FLRT2: variants seen among roughly 807,000 people sequenced by gnomAD.
FLRT2 encodes fibronectin leucine rich transmembrane protein 2, also known as leucine-rich repeat transmembrane protein FLRT2.
Under a neutral mutation model 40.0 loss-of-function variants are expected in FLRT2, and 15 were observed. The observed-to-expected ratio is 0.38, with a 90% CI of 0.25 to 0.58. The LOEUF is 0.58. Ranked by LOEUF, FLRT2 falls within the 20% of genes least tolerant of loss-of-function variation. The pLI, the probability that FLRT2 is intolerant of heterozygous loss-of-function variation, is 0.71. For missense variants in FLRT2, 726 were observed against 840.0 expected (o/e 0.86, Z 1.68); for synonymous variants, 380 against 336.8 (o/e 1.13, Z -1.41).
chr14:85,626,928 C>T lies in FLRT2; in HGVS notation c.*3431C>T. The stretch of plus-strand genomic sequence containing the variant: ...AGTCATTTCACACAAATCAGAACTT[C>T]CTTCCCCACCAGGGAGGACAACATC... On this transcript the variant is annotated 3_prime_UTR_variant, in exon 2 of 2. Coordinates refer to ENST00000330753, the MANE Select transcript of FLRT2 (RefSeq NM_013231.6). The T allele has an allele frequency of 6.0e-6, 1 of 167,202 alleles. No homozygotes were observed. The allele number at this position is 167,202 out of a possible 1,614,324, so 10.4% of individuals were successfully genotyped here. A position where few individuals can be genotyped will look rare whatever the true frequency, so the allele number is the denominator to read the frequency against.
intron 1 of FLRT2, among the ~76,000 whole-genome samples, chr14:85,596,582 A>G (rs968732341): frequency 2.6e-5 from 4 of 152,228 alleles, no homozygotes; most frequent in African/African-American, 9.6e-5. Flanking sequence ...CCAATGTACA[A>G]ATAGATAAAA....
intron 1 of FLRT2, among the ~76,000 whole-genome samples, chr14:85,563,464 A>G (rs915837052): frequency 3.3e-5 from 5 of 152,218 alleles, no homozygotes; most frequent in African/African-American, 4.8e-5. Flanking sequence ...CACAGAAAGC[A>G]TGGCTGGGGA....
At position 85,622,587 on chromosome 14, in the gene FLRT2, T is replaced by G. The variant is rs1378368084; in HGVS notation, c.1073T>G (p.Leu358Trp). Residue 358 changes from leucine (L) to tryptophan (W), a missense_variant, in exon 2 of 2, where the codon TTG becomes TGG. Leu to Trp is a moderately conservative substitution (Grantham distance 61, BLOSUM62 -2). This residue lies in a region of FLRT2 where 611 missense variants were observed against 690.0 expected (regional missense o/e 0.89). Transcript: ENST00000330753. ...MAVRELNMNL[L>W]SCPTTTPGLP... ...GTCAGGGAATTAAATATGAATCTTTTGTCCTGTCCCACCACGACCCCCGGC... is the reference window on the plus strand; with the variant it reads ...GTCAGGGAATTAAATATGAATCTTTGGTCCTGTCCCACCACGACCCCCGGC... 1 of 1,613,628 alleles carries G rather than the reference T, an allele frequency of 6.2e-7. No individual in the cohort carries two copies. Among genetic ancestry groups the G allele is most frequent in the South Asian group, 1.1e-5 (1 of 91,050 alleles).
chr14:85,607,767 G>A lies in FLRT2; in HGVS notation c.-376-13372G>A, dbSNP rs1419452804. Among the ~76,000 whole-genome samples, 3 of 152,274 alleles carry A rather than the reference G, an allele frequency of 2.0e-5. No individual in the cohort carries two copies. In the East Asian group the frequency reaches 5.8e-4, roughly 29 times the overall value. On this transcript the variant is annotated intron_variant, in intron 1 of 1. Transcript: ENST00000330753. ...TTATGCATTTTATGTGCTTTCTACTGTATTAAGAAATCAAGCGTCTCTGTA... is the reference window on the plus strand; with the variant it reads ...TTATGCATTTTATGTGCTTTCTACTATATTAAGAAATCAAGCGTCTCTGTA...
At chr14:85,546,539 G>A (rs1160463918) in intron 1 of FLRT2, among the ~76,000 whole-genome samples, 1 of 152,208 alleles carries the variant, frequency 6.6e-6, no homozygotes, top group Non-Finnish European at 1.5e-5. Context: ...AGCACCAGCA[G>A]CATTTGGCTT....
At chr14:85,575,332 C>T (rs12882305) in intron 1 of FLRT2, among the ~76,000 whole-genome samples, 43,773 of 151,352 alleles carry the variant, frequency 0.29, 6,914 homozygotes, top group Middle Eastern at 0.4. Flanking sequence ...TTAGTTCTTA[C>T]AACATTTTTT....
chr14:85,599,575 G>A (rs1175956724), intron 1 of FLRT2, among the ~76,000 whole-genome samples: 1 of 152,136 alleles, frequency 6.6e-6, no homozygotes, highest in East Asian at 1.9e-4. Context: ...ACATTGGATT[G>A]AAGAAAGAAG....
At chr14:85,594,779 G>T (rs1016950962) in intron 1 of FLRT2, among the ~76,000 whole-genome samples, 1 of 152,056 alleles carries the variant, frequency 6.6e-6, no homozygotes, top group African/African-American at 2.4e-5. Context: ...CTGCACAGTT[G>T]AAAAATCTGC....
chr14:85,564,518 G>T (rs527772003), intron 1 of FLRT2, among the ~76,000 whole-genome samples: 3 of 152,270 alleles, frequency 2.0e-5, no homozygotes, highest in African/African-American at 7.2e-5. Context: ...AACCAAGATT[G>T]TTCCAAATGT....
At chr14:85,610,245 A>T (rs1595082765) in intron 1 of FLRT2, among the ~76,000 whole-genome samples, 4 of 151,848 alleles carry the variant, frequency 2.6e-5, no homozygotes, top group Admixed American at 2.0e-4. Flanking sequence ...AAGTGTGGGG[A>T]TGTTCGCGAG....
chr14:85,576,503 T>C (rs1368428995), intron 1 of FLRT2, among the ~76,000 whole-genome samples: 4 of 152,202 alleles, frequency 2.6e-5, no homozygotes, highest in African/African-American at 9.7e-5. Context: ...GCTTTACATG[T>C]TATTAAAAGC....
Position 85,621,930 on chromosome 14 carries a change from A to T in FLRT2, c.416A>T (p.His139Leu). 1 of 1,601,022 alleles carries T rather than the reference A, an allele frequency of 6.2e-7. No individual in the cohort carries two copies. The highest frequency in any genetic ancestry group is 1.7e-5 in the Admixed American group (1 of 59,238). The change falls in exon 2 of 2, where the codon CAC (histidine) becomes CTC (leucine). Residue 139 changes from histidine (H) to leucine (L), a missense_variant. Around this residue, in one of 3 missense-constraint regions of FLRT2, gnomAD observed 611 missense variants for 690.0 expected, o/e 0.89. Transcript: ENST00000330753. ...LAQLLKLEELHLDDNSISTVG... is the reference protein window; with the variant it reads ...LAQLLKLEELLLDDNSISTVG... The stretch of plus-strand genomic sequence containing the variant: ...CAGCTCTTGAAGCTTGAAGAGCTGC[A>T]CCTGGATGACAACTCCATATCCACA...
chr14:85,612,131 G>A (rs1892913478), intron 1 of FLRT2, among the ~76,000 whole-genome samples: 1 of 104,020 alleles, frequency 9.6e-6, no homozygotes, highest in Admixed American at 1.2e-4. Context: ...ATTATTGGTG[G>A]GAACTCTTTA....
intron 1 of FLRT2, among the ~76,000 whole-genome samples, chr14:85,576,038 C>G (rs1443875188): frequency 6.6e-6 from 1 of 152,126 alleles, no homozygotes. Context: ...ATTGCACTAA[C>G]TCGTTAAGAG....
chr14:85,575,071 G>A (rs565410543), intron 1 of FLRT2, among the ~76,000 whole-genome samples: 10 of 152,296 alleles, frequency 6.6e-5, no homozygotes, highest in Admixed American at 2.0e-4. Flanking sequence ...AAGGCCTGTG[G>A]CCATTCGAAA....
chr14:85,612,116 A>T (rs1250434976), intron 1 of FLRT2, among the ~76,000 whole-genome samples: 2 of 141,022 alleles, frequency 1.4e-5, no homozygotes, highest in African/African-American at 5.3e-5. Context: ...TGAGTTTTTA[A>T]AATTATTATT....
At chr14:85,591,513 A>G (rs991680425) in intron 1 of FLRT2, among the ~76,000 whole-genome samples, 3 of 152,240 alleles carry the variant, frequency 2.0e-5, no homozygotes, top group Admixed American at 1.3e-4. Flanking sequence ...TTTCCCAATT[A>G]GAAATTTGGC....
rs923467972 is a variant in FLRT2 at position 85,652,699 on chromosome 14, A to G, written c.*29202A>G. 2 of 152,230 alleles carry G rather than the reference A, an allele frequency of 1.3e-5. No homozygotes were observed. The highest frequency in any genetic ancestry group is 4.1e-4 in the South Asian group (2 of 4,836). The allele number at this position is 152,230 out of a possible 1,614,324, so 9.4% of individuals were successfully genotyped here. A position where few individuals can be genotyped will look rare whatever the true frequency, so the allele number is the denominator to read the frequency against. On this transcript the variant is annotated 3_prime_UTR_variant, in exon 2 of 2. Transcript: ENST00000330753. The stretch of plus-strand genomic sequence containing the variant: ...CTTTTGTTCACAGTAAGTTATATCA[A>G]TTAAGTTGCTTAGAATGAACATATA...
intron 1 of FLRT2, among the ~76,000 whole-genome samples, chr14:85,596,495 T>G (rs1892144455): frequency 6.6e-6 from 1 of 151,378 alleles, no homozygotes; most frequent in Admixed American, 6.5e-5. Context: ...AGACAGTCTT[T>G]GTTGTCGTTG....
Sources: allele counts gnomAD v4.1 joint callset (sites outside exome capture counted in the v4.1 genomes callset), GRCh38; gene constraint gnomAD v4.1.1; regional missense constraint gnomAD v4.1.1; transcripts MANE v1.5; gene names NCBI Gene and HGNC (gene_info 2026-07-23, HGNC 2026-07-21).